The following ELMO2 variants were observed in gnomAD, a reference collection of about 807,000 sequenced individuals.
ELMO2 encodes the protein engulfment and cell motility protein 2.
In ELMO2, 37 loss-of-function variants were observed where a neutral mutation model predicts 96.2. That is an observed-to-expected ratio of 0.38 (90% CI 0.30 to 0.51). The LOEUF is 0.51. Among genes scored for constraint, ELMO2 ranks in the 20% least tolerant of loss-of-function variants. ELMO2 has a pLI of 0.88. For synonymous variants in ELMO2, 315 were observed against 329.4 expected, an observed-to-expected ratio of 0.96 and a Z score of 0.47; for missense variants, 561 against 912.6, an observed-to-expected ratio of 0.61 and a Z score of 4.96.
Position 46,371,941 on chromosome 20 carries a change from GT to G in ELMO2, c.1444del (p.Thr482LeufsTer21), listed in dbSNP as rs1325796823. Reference sequence around the variant, plus strand: ...GTTGGGTTTGGAGGGCAAAGCTCGAGTGATTTGCTCTCGGACGACTTGCATA... The same window carrying G: ...GTTGGGTTTGGAGGGCAAAGCTCGAGGATTTGCTCTCGGACGACTTGCATA... ...KVMQVVREQI[T>X]RALPSKPNSL... On this transcript the variant is annotated frameshift_variant, in exon 17 of 22. Coordinates refer to ENST00000290246, the MANE Select transcript of ELMO2 (RefSeq NM_133171.5). LOFTEE classifies it high-confidence loss of function. The surrounding 1 kb of genome is among the most constrained non-coding windows in gnomAD (Gnocchi z 5.9). 1 of 1,613,974 alleles carries G rather than the reference GT, an allele frequency of 6.2e-7. No individual in the cohort carries two copies. Among genetic ancestry groups the G allele is most frequent in the Non-Finnish European group, 8.5e-7 (1 of 1,180,052 alleles).
intron 10 of ELMO2, chr20:46,382,144 C>T (rs2059967332): frequency 7.9e-7 from 1 of 1,267,462 alleles, no homozygotes; most frequent in Non-Finnish European, 1.0e-6. Flanking sequence ...GAGATTCTTG[C>T]CTAGCTTTGA....
intron 2 of ELMO2, 123 bp downstream of exon 2, chr20:46,398,574 A>C (rs1473070207): frequency 6.6e-6 from 1 of 152,250 alleles, no homozygotes. Flanking sequence ...CGGCCTCTCA[A>C]AGTGCTGGGA....
At chr20:46,395,893 G>A (rs1248090240) in intron 2 of ELMO2, among the ~76,000 whole-genome samples, 1 of 152,232 alleles carries the variant, frequency 6.6e-6, no homozygotes, top group East Asian at 1.9e-4. Context: ...ACCTCCATTT[G>A]AAGATGGCAC....
intron 8 of ELMO2, among the ~76,000 whole-genome samples, chr20:46,386,992 T>A (rs1568771476): frequency 6.6e-6 from 1 of 152,140 alleles, no homozygotes; most frequent in African/African-American, 2.4e-5. Context: ...CAAATTTTTT[T>A]TATATATATA....
intron 21 of ELMO2, among the ~76,000 whole-genome samples, chr20:46,368,660 G>T (rs191572424): frequency 1.5e-4 from 22 of 151,498 alleles, no homozygotes; most frequent in Admixed American, 9.3e-4. Flanking sequence ...CTCAGGTCCA[G>T]CATTATGTAA....
chr20:46,394,107 A>G lies in ELMO2; in HGVS notation c.79-18T>C. 1 of 1,607,508 alleles carries G rather than the reference A, an allele frequency of 6.2e-7. No homozygotes were observed. The highest frequency in any genetic ancestry group is 8.5e-7 in the Non-Finnish European group (1 of 1,174,226). On this transcript the variant is annotated intron_variant, in intron 3 of 21. Transcript: ENST00000290246. ...GGCCGTTTCTGAAAGAGAGAGAGAGAAAGCCTTCAACAGCAGCAACATCCT... is the reference window on the plus strand; with the variant it reads ...GGCCGTTTCTGAAAGAGAGAGAGAGGAAGCCTTCAACAGCAGCAACATCCT...
At chr20:46,369,031 T>C in intron 20 of ELMO2, 63 bp from the exon 21 acceptor site, 1 of 1,495,446 alleles carries the variant, frequency 6.7e-7, no homozygotes, top group South Asian at 1.1e-5. Context: ...ATCAAGATCT[T>C]GGCCAAAGTC....
chr20:46,389,421 T>G (rs2060111824), intron 6 of ELMO2, among the ~76,000 whole-genome samples: 1 of 152,222 alleles, frequency 6.6e-6, no homozygotes. Flanking sequence ...TGTAGTTATC[T>G]GCATCTTTTC....
intron 6 of ELMO2, among the ~76,000 whole-genome samples, chr20:46,392,766 T>C (rs912430888): frequency 2.6e-5 from 4 of 152,252 alleles, no homozygotes; most frequent in Non-Finnish European, 4.4e-5. Flanking sequence ...TTGCTCATCC[T>C]TTAACATCTG....
intron 1 of ELMO2, among the ~76,000 whole-genome samples, chr20:46,401,367 TC>T (rs2060331993): frequency 6.6e-6 from 1 of 152,144 alleles, no homozygotes; most frequent in Admixed American, 6.5e-5. Context: ...AGCTGAGGTT[TC>T]CCCTTTTTGT....
intron 9 of ELMO2, among the ~76,000 whole-genome samples, chr20:46,384,687 G>C (rs1456950897): frequency 6.6e-6 from 1 of 152,034 alleles, no homozygotes; most frequent in Non-Finnish European, 1.5e-5. Flanking sequence ...GACCAGGCAT[G>C]GTGACTCACA....
intron 10 of ELMO2, among the ~76,000 whole-genome samples, chr20:46,380,859 AT>A (rs894908758): frequency 1.3e-5 from 2 of 152,152 alleles, no homozygotes; most frequent in African/African-American, 4.8e-5. Flanking sequence ...GTTTTGGGTA[AT>A]TTTTTATAAC....
chr20:46,390,317 T>A (rs1428664735), intron 6 of ELMO2, among the ~76,000 whole-genome samples: 1 of 152,264 alleles, frequency 6.6e-6, no homozygotes, highest in East Asian at 1.9e-4. Context: ...GGTGAAGAAT[T>A]TAATCTGATG....
chr20:46,400,425 G>A (rs1001207125), intron 1 of ELMO2, among the ~76,000 whole-genome samples: 4 of 152,188 alleles, frequency 2.6e-5, no homozygotes, highest in Non-Finnish European at 5.9e-5. Context: ...TAGAAATTAG[G>A]TCAAAGGAAT....
chr20:46,374,672 C>T (rs1400594746), intron 13 of ELMO2, 32 bp from the exon 14 acceptor site: 22 of 1,599,356 alleles, frequency 1.4e-5, no homozygotes, highest in Admixed American at 3.3e-5. Flanking sequence ...ATTTGAGATG[C>T]GGCAGTCTCC....
chr20:46,373,952 T>G (rs1488399259), intron 15 of ELMO2, among the ~76,000 whole-genome samples: 1 of 140,478 alleles, frequency 7.1e-6, no homozygotes, highest in Non-Finnish European at 1.5e-5. Flanking sequence ...TTTTTTAAGA[T>G]AGAGTCTCAC....
chr20:46,394,845 T>C (rs1203896229), intron 2 of ELMO2, among the ~76,000 whole-genome samples: 2 of 152,226 alleles, frequency 1.3e-5, no homozygotes, highest in African/African-American at 4.8e-5. Context: ...AATTCCTGTC[T>C]TGAGACCTTG....
At position 46,367,171 on chromosome 20, in the gene ELMO2, A is replaced by T; in HGVS notation, c.*189T>A. 1 of 501,110 alleles carries T rather than the reference A, an allele frequency of 2.0e-6. No individual in the cohort carries two copies. The highest frequency in any genetic ancestry group is 3.4e-6 in the Non-Finnish European group (1 of 294,834). 31.0% of individuals were successfully genotyped at this position (501,110 alleles called of 1,614,324 possible). Reference sequence around the variant, plus strand: ...GTGGGCAGAGCACCCTGCCTTCATGACTCTTAGTAGACAGGGACCAAGAGG... The same window carrying T: ...GTGGGCAGAGCACCCTGCCTTCATGTCTCTTAGTAGACAGGGACCAAGAGG... On this transcript the variant is annotated 3_prime_UTR_variant, in exon 22 of 22. Transcript: ENST00000290246.
At chr20:46,390,022 A>C (rs2060123258) in intron 6 of ELMO2, among the ~76,000 whole-genome samples, 1 of 151,468 alleles carries the variant, frequency 6.6e-6, no homozygotes, top group Non-Finnish European at 1.5e-5. Context: ...GCATGGTGGC[A>C]TGCGCCTGTA....
Sources: gnomAD v4.1 joint callset for allele counts (sites outside exome capture counted in the v4.1 genomes callset) on GRCh38, gnomAD v4.1.1 for gene constraint, Gnocchi (gnomAD v3.1) non-coding constraint, MANE v1.5 for transcripts, NCBI Gene and HGNC (gene_info 2026-07-23, HGNC 2026-07-21) for gene names.